The following DCAF7 variants were observed in gnomAD, a reference collection of about 807,000 sequenced individuals.
DCAF7 encodes the protein DDB1- and CUL4-associated factor 7.
A neutral mutation model predicts 41.2 loss-of-function variants in DCAF7; 4 were observed. The observed-to-expected ratio is 0.10, with a 90% CI of 0.05 to 0.22. The LOEUF (loss-of-function observed/expected upper bound fraction) is 0.22. Ranked by LOEUF, DCAF7 falls within the 10% of genes least tolerant of loss-of-function variation. The pLI is 1.00. For synonymous variants in DCAF7, 143 were observed against 164.2 expected (o/e 0.87, Z 0.99); for missense variants, 131 against 443.2 (o/e 0.30, Z 6.32).
intron 1 of DCAF7, among the ~76,000 whole-genome samples, chr17:63,574,383 A>G (rs1203350792): frequency 1.3e-5 from 2 of 152,236 alleles, no homozygotes; most frequent in African/African-American, 2.4e-5. Flanking sequence ...GTTTTAGGAC[A>G]CTGGGTTTTG....
At chr17:63,558,032 A>G (rs905946427) in intron 1 of DCAF7, among the ~76,000 whole-genome samples, 1 of 152,010 alleles carries the variant, frequency 6.6e-6, no homozygotes, top group Admixed American at 6.6e-5. Flanking sequence ...AGTAGCTGAG[A>G]CTACAGGTGC....
intron 1 of DCAF7, among the ~76,000 whole-genome samples, chr17:63,559,069 T>C (rs1255291092): frequency 6.6e-6 from 1 of 151,740 alleles, no homozygotes; most frequent in Non-Finnish European, 1.5e-5. Flanking sequence ...TCCAGCACTT[T>C]GGGAGGCGGG....
chr17:63,554,893 T>C (rs1447007087), intron 1 of DCAF7, among the ~76,000 whole-genome samples: 1 of 152,180 alleles, frequency 6.6e-6, no homozygotes, highest in Non-Finnish European at 1.5e-5. Flanking sequence ...GCTGAAAAGG[T>C]CATTATTTCA....
chr17:63,581,064 A>G (rs1458752328), intron 4 of DCAF7, among the ~76,000 whole-genome samples: 1 of 152,196 alleles, frequency 6.6e-6, no homozygotes, highest in Non-Finnish European at 1.5e-5. Flanking sequence ...CCAGGTTATC[A>G]TTCTTAGTAA....
chr17:63,572,567 T>G (rs1381704023), intron 1 of DCAF7, among the ~76,000 whole-genome samples: 1 of 152,204 alleles, frequency 6.6e-6, no homozygotes, highest in Non-Finnish European at 1.5e-5. Flanking sequence ...CTCTGATGAC[T>G]TGAAAGACAT....
intron 1 of DCAF7, among the ~76,000 whole-genome samples, chr17:63,555,233 G>T (rs995954738): frequency 1.3e-5 from 2 of 152,152 alleles, no homozygotes; most frequent in African/African-American, 4.8e-5. Flanking sequence ...AGTGTGATTG[G>T]GATTTAGTTT....
At chr17:63,553,023 A>G (rs1177095816) in intron 1 of DCAF7, among the ~76,000 whole-genome samples, 1 of 152,242 alleles carries the variant, frequency 6.6e-6, no homozygotes, top group Non-Finnish European at 1.5e-5. Flanking sequence ...TGCCATGGTC[A>G]TCTGATACCA....
At chr17:63,564,205 T>C (rs1417251657) in intron 1 of DCAF7, among the ~76,000 whole-genome samples, 2 of 152,156 alleles carry the variant, frequency 1.3e-5, no homozygotes, top group East Asian at 1.9e-4. Context: ...TTTGATTTTA[T>C]ATGATGTGAT....
intron 1 of DCAF7, 114 bp from the exon 2 acceptor site, chr17:63,578,356 C>A: frequency 1.4e-6 from 2 of 1,444,310 alleles, no homozygotes; most frequent in Non-Finnish European, 1.9e-6. Flanking sequence ...AGAGCAAGAT[C>A]CTGTCTTTAA....
chr17:63,560,007 C>T (rs895820861), intron 1 of DCAF7, among the ~76,000 whole-genome samples: 4 of 152,002 alleles, frequency 2.6e-5, no homozygotes, highest in Admixed American at 6.6e-5. Flanking sequence ...AAGAACAAAT[C>T]CCTTAATAAC....
intron 1 of DCAF7, among the ~76,000 whole-genome samples, chr17:63,561,863 A>G (rs1329734098): frequency 1.3e-5 from 2 of 152,182 alleles, no homozygotes; most frequent in Non-Finnish European, 2.9e-5. Flanking sequence ...AAAAAATGCT[A>G]CATATCAAAA....
rs1228340012 is a variant in DCAF7 at position 63,593,586 on chromosome 17, T to C, written c.*4414T>C. 6.5e-6 allele frequency: 1 copy of C among 152,682 alleles called. No individual in the cohort carries two copies. Among genetic ancestry groups the C allele is most frequent in the East Asian group, 1.9e-4 (1 of 5,202 alleles). 9.5% of individuals were successfully genotyped at this position (152,682 alleles called of 1,614,324 possible). ...ACCCACCTTTGGGACAACCCAGTGA[T>C]TATGAACATGTGATATCTACTATTT... is the stretch of plus-strand genomic sequence containing the variant. On this transcript the variant is annotated 3_prime_UTR_variant, in exon 7 of 7. Transcript: ENST00000614556.
At chr17:63,586,869 G>A (rs924624250) in intron 6 of DCAF7, among the ~76,000 whole-genome samples, 1 of 152,130 alleles carries the variant, frequency 6.6e-6, no homozygotes, top group Non-Finnish European at 1.5e-5. Flanking sequence ...TTAAGAGCAA[G>A]GCGAAAGTCA....
chr17:63,565,809 C>T (rs2033434128), intron 1 of DCAF7, among the ~76,000 whole-genome samples: 1 of 152,104 alleles, frequency 6.6e-6, no homozygotes, highest in South Asian at 2.1e-4. Context: ...AACAAATGTA[C>T]TCAGCCTCTG....
chr17:63,559,080 G>A (rs1313959257), intron 1 of DCAF7, among the ~76,000 whole-genome samples: 2 of 151,594 alleles, frequency 1.3e-5, no homozygotes, highest in Non-Finnish European at 2.9e-5. Flanking sequence ...GGGAGGCGGG[G>A]GCAGGCAGAT....
intron 1 of DCAF7, among the ~76,000 whole-genome samples, chr17:63,555,180 C>T (rs1432602530): frequency 6.6e-6 from 1 of 152,190 alleles, no homozygotes; most frequent in Non-Finnish European, 1.5e-5. Context: ...GGCTTCTGTT[C>T]CACTTAAGTG....
At chr17:63,586,065 C>G (rs2033673570) in intron 6 of DCAF7, among the ~76,000 whole-genome samples, 1 of 141,638 alleles carries the variant, frequency 7.1e-6, no homozygotes, top group Non-Finnish European at 1.5e-5. Flanking sequence ...GTGGAGGTTG[C>G]ATTGACCAGA....
intron 1 of DCAF7, among the ~76,000 whole-genome samples, chr17:63,571,075 ACT>A (rs2033501896): frequency 6.6e-6 from 1 of 151,974 alleles, no homozygotes; most frequent in Non-Finnish European, 1.5e-5. Flanking sequence ...AATCCCAGCT[ACT>A]CAGGAGGCTG....
chr17:63,559,365 A>ATAGATATATGTGTATATATATATG (rs2033348401), intron 1 of DCAF7, among the ~76,000 whole-genome samples: 1 of 115,500 alleles, frequency 8.7e-6, no homozygotes, highest in African/African-American at 3.8e-5. Context: ...ATATGTATGT[A>ATAGATATATGTGTATATATATATG]TATATATATG....
Sources: allele counts gnomAD v4.1 joint callset (sites outside exome capture counted in the v4.1 genomes callset), GRCh38; gene constraint gnomAD v4.1.1; transcripts MANE v1.5; gene names NCBI Gene and HGNC (gene_info 2026-07-23, HGNC 2026-07-21).